The following BRSK2 variants were observed in gnomAD, a reference collection of about 807,000 sequenced individuals.
The protein encoded by BRSK2 is BR serine/threonine kinase 2, also known as serine/threonine-protein kinase BRSK2.
BRSK2 carries 19 observed loss-of-function variants against 83.3 expected under a neutral mutation model. The ratio of observed to expected loss-of-function variants is 0.23; its 90% CI spans 0.16 to 0.33. The LOEUF (loss-of-function observed/expected upper bound fraction) is 0.33, where lower values mean the gene tolerates loss of function less well. Ranked by LOEUF, BRSK2 falls within the 10% of genes least tolerant of loss-of-function variation. BRSK2 has a pLI of 1.00. For synonymous variants in BRSK2, 519 were observed against 435.4 expected (o/e 1.19, Z -2.39); for missense variants, 798 against 1,042.3 (o/e 0.77, Z 3.23).
At chr11:1,407,587 G>A (rs1846977410) in intron 1 of BRSK2, among the ~76,000 whole-genome samples, 1 of 152,218 alleles carries the variant, frequency 6.6e-6, no homozygotes, top group African/African-American at 2.4e-5. Flanking sequence ...CCTGGTTCTA[G>A]CAGCTCTGCA....
chr11:1,461,028 C>T lies in BRSK2; in HGVS notation c.*305C>T. The T allele has an allele frequency of 1.2e-6, 2 of 1,611,266 alleles. No individual in the cohort carries two copies. Among genetic ancestry groups the T allele is most frequent in the South Asian group, 2.2e-5 (2 of 90,908 alleles). On this transcript the variant is annotated 3_prime_UTR_variant, in exon 20 of 20. Transcript: ENST00000528841. ...CGAGGCCATCCTCTGTGACCGAAGG[C>T]AGCTGCTGCGGACCCGCCCTCCCTC...
intron 1 of BRSK2, among the ~76,000 whole-genome samples, chr11:1,412,570 C>T (rs565514333): frequency 3.5e-4 from 54 of 152,240 alleles, no homozygotes; most frequent in African/African-American, 1.2e-3. Flanking sequence ...GTTTGGTAGG[C>T]GGGGCCGAGG....
rs1212682216 is a variant in BRSK2, at chr11:1,456,654, A to G, written c.1906A>G (p.Thr636Ala). 1 of 1,609,750 alleles carries G rather than the reference A, an allele frequency of 6.2e-7. No individual in the cohort carries two copies. The highest frequency in any genetic ancestry group is 8.5e-7 in the Non-Finnish European group (1 of 1,178,824). Residue 636 changes from threonine to alanine, a missense_variant, in exon 18 of 20, where the codon ACA (threonine) becomes GCA (alanine). Physicochemically the swap from Thr to Ala is moderately conservative, Grantham distance 58. This residue lies in a region of BRSK2 where 455 missense variants were observed against 455.2 expected (regional missense o/e 1.00). Transcript: ENST00000528841. ...VETIQAQLLS[T>A]HDPPAAQHLS... The stretch of plus-strand genomic sequence containing the variant: ...GACCATCCAGGCCCAGCTGCTGAGC[A>G]CACACGACCCGCCTGCGGCCCAGCA...
chr11:1,456,713 C>T (rs973340325), intron 18 of BRSK2, 26 bp downstream of exon 18: 1 of 1,564,666 alleles, frequency 6.4e-7, no homozygotes, highest in East Asian at 2.3e-5. Context: ...CTCCGGCCAA[C>T]CTGCGGCCTG....
intron 12 of BRSK2, 119 bp downstream of exon 12, chr11:1,446,026 G>A (rs1388203117): frequency 5.7e-6 from 7 of 1,221,088 alleles, no homozygotes; most frequent in South Asian, 1.5e-5. Context: ...GGGTGGGGCT[G>A]TATGGGCTAA....
Position 1,436,144 on chromosome 11 carries a change from GCCGGGGAGGGAGGCGGGGCCGGCGGT to G in BRSK2, c.186+11_186+36del. On this transcript the variant is annotated intron_variant, in intron 2 of 19. Transcript: ENST00000528841. ...GTCGGTGCTGATGAAGGTGGGTGGG[GCCGGGGAGGGAGGCGGGGCCGGCGGT>G]GGGGTGGGGCGGGGAATAGCACAGG... 6 of 1,159,280 alleles carry G rather than the reference GCCGGGGAGGGAGGCGGGGCCGGCGGT, an allele frequency of 5.2e-6. No individual in the cohort carries two copies. Among genetic ancestry groups the G allele is most frequent in the Non-Finnish European group, 5.9e-6 (5 of 850,382 alleles). The allele number at this position is 1,159,280 out of a possible 1,614,324, so 71.8% of individuals were successfully genotyped here.
rs1851930477 is a variant in BRSK2 at position 1,445,583 on chromosome 11, G to A, written c.990G>A (p.Glu330=). The A allele has an allele frequency of 6.3e-7, 1 of 1,575,742 alleles. No individual in the cohort carries two copies. The highest frequency in any genetic ancestry group is 8.6e-7 in the Non-Finnish European group (1 of 1,160,976). ...QDLLSEEENQ[E]KMIYFLLLDR... ...TCGCCCGCTGTAGGGAGAACCAGGAGAAGATGATTTACTTCCTCCTCCTGG... is the reference window on the plus strand; with the variant it reads ...TCGCCCGCTGTAGGGAGAACCAGGAAAAGATGATTTACTTCCTCCTCCTGG... Residue 330 remains glutamate, a synonymous_variant, in exon 11 of 20, where the codon GAG becomes GAA. Transcript: ENST00000528841.
chr11:1,396,501 C>T (rs1021012114), intron 1 of BRSK2, among the ~76,000 whole-genome samples: 2 of 152,202 alleles, frequency 1.3e-5, no homozygotes, highest in South Asian at 4.1e-4. Flanking sequence ...GACAGGAGAC[C>T]CCCTCCAGGC....
chr11:1,418,714 G>A (rs540752162), intron 1 of BRSK2, among the ~76,000 whole-genome samples: 4 of 152,370 alleles, frequency 2.6e-5, no homozygotes, highest in South Asian at 4.1e-4. Flanking sequence ...GTTGGATACT[G>A]CATGTTGTTT....
At chr11:1,451,792 G>C (rs1004937695) in intron 15 of BRSK2, among the ~76,000 whole-genome samples, 1 of 152,184 alleles carries the variant, frequency 6.6e-6, no homozygotes, top group Non-Finnish European at 1.5e-5. Flanking sequence ...AGGGGCAGCA[G>C]GCCTGGTGGG....
At position 1,423,746 on chromosome 11, in the gene BRSK2, GCGTTCCGGGTGCCC is replaced by G. The variant is rs1848876017; in HGVS notation, c.92-12292_92-12279del. On this transcript the variant is annotated intron_variant, in intron 1 of 19. Coordinates refer to ENST00000528841, the MANE Select transcript of BRSK2 (RefSeq NM_001256627.2). This position sits in a 1 kb window ranked among gnomAD's most constrained non-coding sequence, Gnocchi z 6.5. ...GGGTGCCCCAGGCCTCCCCCGCTGG[GCGTTCCGGGTGCCC>G]CAGGCCTCCCCCGCTGGGCGTTCCG... 4.8e-5 allele frequency among the ~76,000 whole-genome samples: 7 copies of G among 145,440 alleles called. No homozygotes were observed. Among genetic ancestry groups the G allele is most frequent in the African/African-American group, 1.5e-4 (6 of 39,564 alleles).
intron 1 of BRSK2, among the ~76,000 whole-genome samples, chr11:1,416,766 C>T (rs1848134675): frequency 6.6e-6 from 1 of 152,106 alleles, no homozygotes; most frequent in Admixed American, 6.6e-5. Flanking sequence ...TGGTGTGTTC[C>T]TCCAGGTGTC....
At chr11:1,459,736 C>T (rs960493982) in intron 19 of BRSK2, among the ~76,000 whole-genome samples, 3 of 152,214 alleles carry the variant, frequency 2.0e-5, no homozygotes, top group Admixed American at 6.5e-5. Context: ...TCCCCATTTC[C>T]GCCCCTCTTC....
intron 18 of BRSK2, among the ~76,000 whole-genome samples, chr11:1,458,662 C>T (rs1241161092): frequency 1.3e-5 from 2 of 152,180 alleles, no homozygotes; most frequent in African/African-American, 4.8e-5. Flanking sequence ...CAGTGAGGGC[C>T]TTGAGGGAGT....
chr11:1,458,169 G>A (rs1426047393), intron 18 of BRSK2, among the ~76,000 whole-genome samples: 1 of 152,074 alleles, frequency 6.6e-6, no homozygotes, highest in African/African-American at 2.4e-5. Context: ...TGCCCAGGGT[G>A]TCCCCGCACC....
chr11:1,411,479 C>T (rs766804290), intron 1 of BRSK2: 1 of 1,481,560 alleles, frequency 6.7e-7, no homozygotes, highest in East Asian at 2.5e-5. Context: ...CCCTCTGCTC[C>T]CCAAGAGAGC....
chr11:1,440,744 C>T (rs371143081), intron 3 of BRSK2, 44 bp from the exon 4 acceptor site: 79 of 1,533,644 alleles, frequency 5.2e-5, no homozygotes, highest in East Asian at 2.2e-4. Context: ...GGAGGGGCGG[C>T]GGGCAGCCAC....
At position 1,440,770 on chromosome 11, in the gene BRSK2, TG is replaced by T. The variant is rs749771285; in HGVS notation, c.273-16del. 1,095 of 1,554,192 alleles carry T rather than the reference TG, an allele frequency of 7.0e-4. No homozygotes were observed. Among genetic ancestry groups the T allele is most frequent in the Non-Finnish European group, 8.5e-4 (975 of 1,148,802 alleles). Reference sequence around the variant, plus strand: ...GGGCAGCCACAGCTGGGCGCACTGGTGGCCCCGTCTCCTGCAGGTACCTGGT... The same window carrying T: ...GGGCAGCCACAGCTGGGCGCACTGGTGCCCCGTCTCCTGCAGGTACCTGGT... On this transcript the variant is annotated splice_polypyrimidine_tract_variant and intron_variant, in intron 3 of 19. Transcript: ENST00000528841.
intron 14 of BRSK2, among the ~76,000 whole-genome samples, 169 bp downstream of exon 14, chr11:1,450,963 T>A (rs1278440567): frequency 6.6e-6 from 1 of 152,188 alleles, no homozygotes; most frequent in Admixed American, 6.5e-5. Context: ...GCAGCCTGTG[T>A]CCTACCTGTC....
Sources: gnomAD v4.1 joint callset for allele counts (sites outside exome capture counted in the v4.1 genomes callset) on GRCh38, gnomAD v4.1.1 for gene constraint, gnomAD v4.1.1 regional missense constraint, Gnocchi (gnomAD v3.1) non-coding constraint, MANE v1.5 for transcripts, NCBI Gene and HGNC (gene_info 2026-07-23, HGNC 2026-07-21) for gene names.